Variants in LRP1B observed in about 807,000 individuals in gnomAD.
The protein encoded by LRP1B is LDL receptor related protein 1B.
A neutral mutation model predicts 556.6 loss-of-function variants in LRP1B; 217 were observed. The observed-to-expected ratio is 0.39, with a 90% CI of 0.35 to 0.44. The LOEUF (loss-of-function observed/expected upper bound fraction) is 0.44. Among genes scored for constraint, LRP1B ranks in the 20% least tolerant of loss-of-function variants. The pLI, the probability that LRP1B is intolerant of heterozygous loss-of-function variation, is 1.00. For missense variants in LRP1B, 5,053 were observed against 5,620.8 expected (o/e 0.90, Z 3.23); for synonymous variants, 2,047 against 1,865.8 (o/e 1.10, Z -2.50).
intron 86 of LRP1B, among the ~76,000 whole-genome samples, chr2:140,256,056 T>C (rs1681661743): frequency 6.6e-6 from 1 of 152,204 alleles, no homozygotes; most frequent in Admixed American, 6.5e-5. Context: ...GCTTGATGGA[T>C]ACTTTAATGT....
chr2:140,905,705 C>G (rs1180771871), intron 22 of LRP1B, among the ~76,000 whole-genome samples: 1 of 152,018 alleles, frequency 6.6e-6, no homozygotes, highest in African/African-American at 2.4e-5. Flanking sequence ...AGTGCCTTTT[C>G]CTTAGCACAC....
At chr2:140,823,229 A>T (rs561701768) in intron 31 of LRP1B, among the ~76,000 whole-genome samples, 6 of 152,302 alleles carry the variant, frequency 3.9e-5, no homozygotes, top group Admixed American at 2.0e-4. Context: ...TTCTGGAAAA[A>T]AAAATAAAAT....
intron 3 of LRP1B, among the ~76,000 whole-genome samples, chr2:141,309,061 A>G (rs952092696): frequency 2.0e-5 from 3 of 152,180 alleles, no homozygotes; most frequent in African/African-American, 7.2e-5. Context: ...AGCACATTGA[A>G]TTTTAGCACA....
intron 3 of LRP1B, among the ~76,000 whole-genome samples, chr2:141,453,481 A>T (rs1019274211): frequency 1.3e-5 from 2 of 152,140 alleles, no homozygotes; most frequent in African/African-American, 2.4e-5. Context: ...AACTCTAATA[A>T]TAGTTTGTGT....
At chr2:140,308,758 T>C (rs144488555) in intron 83 of LRP1B, among the ~76,000 whole-genome samples, 1 of 152,004 alleles carries the variant, frequency 6.6e-6, no homozygotes, top group East Asian at 1.9e-4. Flanking sequence ...ACACTTAAAC[T>C]GCAGAGCATA....
At chr2:140,961,099 A>G (rs1696020497) in intron 18 of LRP1B, among the ~76,000 whole-genome samples, 1 of 151,960 alleles carries the variant, frequency 6.6e-6, no homozygotes, top group Non-Finnish European at 1.5e-5. Flanking sequence ...GATAGATTTT[A>G]TGTTTGCCAA....
At chr2:141,145,058 A>G (rs1398495499) in intron 7 of LRP1B, among the ~76,000 whole-genome samples, 1 of 152,186 alleles carries the variant, frequency 6.6e-6, no homozygotes, top group Admixed American at 6.5e-5. Flanking sequence ...TCTAACTTAT[A>G]CAAGTGATTT....
chr2:140,954,369 G>A (rs987868959), intron 18 of LRP1B, among the ~76,000 whole-genome samples: 1 of 152,066 alleles, frequency 6.6e-6, no homozygotes, highest in African/African-American at 2.4e-5. Flanking sequence ...CAGATATGAT[G>A]AGATCTAATC....
intron 3 of LRP1B, among the ~76,000 whole-genome samples, chr2:141,328,292 C>A (rs1687503482): frequency 6.6e-6 from 1 of 152,198 alleles, no homozygotes; most frequent in East Asian, 1.9e-4. Context: ...CTATACCTCA[C>A]TTTTATCATC....
At chr2:140,614,269 C>A (rs1199561729) in intron 41 of LRP1B, among the ~76,000 whole-genome samples, 1 of 151,974 alleles carries the variant, frequency 6.6e-6, no homozygotes, top group Non-Finnish European at 1.5e-5. Flanking sequence ...AATTTTTATT[C>A]CTAATTCTAT....
chr2:141,639,349 T>TACAC (rs1553440025), intron 2 of LRP1B, among the ~76,000 whole-genome samples: 1,090 of 55,916 alleles, frequency 0.019, 79 homozygotes, highest in African/African-American at 0.061. Flanking sequence ...TATATATATA[T>TACAC]ACACACACAC....
chr2:141,462,126 T>C (rs1681899212), intron 3 of LRP1B, among the ~76,000 whole-genome samples: 1 of 152,226 alleles, frequency 6.6e-6, no homozygotes, highest in African/African-American at 2.4e-5. Context: ...CTCTCAGACA[T>C]ACAATGTGTT....
chr2:140,591,306 G>C (rs958854114), intron 43 of LRP1B, among the ~76,000 whole-genome samples: 1 of 152,152 alleles, frequency 6.6e-6, no homozygotes, highest in Admixed American at 6.5e-5. Flanking sequence ...GATATATACA[G>C]TTCTATCTAT....
At chr2:141,656,584 T>G (rs1333077906) in intron 2 of LRP1B, among the ~76,000 whole-genome samples, 1 of 152,176 alleles carries the variant, frequency 6.6e-6, no homozygotes, top group Admixed American at 6.5e-5. Context: ...AGTTTTATTC[T>G]CTCAGTAATT....
chr2:141,541,500 G>A (rs770748054), intron 2 of LRP1B, among the ~76,000 whole-genome samples: 22 of 152,036 alleles, frequency 1.4e-4, no homozygotes, highest in South Asian at 6.2e-4. Context: ...AGTGTTTGTC[G>A]TTTGGTGAAA....
intron 35 of LRP1B, among the ~76,000 whole-genome samples, chr2:140,728,573 T>C (rs1687671990): frequency 6.6e-6 from 1 of 152,178 alleles, no homozygotes; most frequent in East Asian, 1.9e-4. Context: ...AGCAGAAATC[T>C]TGTTCCTCAA....
chr2:141,634,477 C>A (rs575080505), intron 2 of LRP1B, among the ~76,000 whole-genome samples: 1 of 152,038 alleles, frequency 6.6e-6, no homozygotes, highest in South Asian at 2.1e-4. Context: ...AGATGAGTGA[C>A]ATTTCTTTTA....
intron 2 of LRP1B, among the ~76,000 whole-genome samples, chr2:141,677,437 G>T (rs572776704): frequency 2.0e-5 from 3 of 152,010 alleles, no homozygotes; most frequent in Non-Finnish European, 4.4e-5. Flanking sequence ...TTATTACAGG[G>T]GAGTTATGCC....
In LRP1B at chr2:140,510,065, CA is replaced by C. The variant is rs1558932098; in HGVS notation, c.8270-10del. The C allele has an allele frequency of 6.2e-7, 1 of 1,611,906 alleles. No homozygotes were observed. The highest frequency in any genetic ancestry group is 2.2e-5 in the East Asian group (1 of 44,856). ...AGCACAGGTTATGGCACCTGAAACA[CA>C]AAAACATAATGCCATTAAGATTACT... is the stretch of plus-strand genomic sequence containing the variant. On this transcript the variant is annotated splice_polypyrimidine_tract_variant and intron_variant, in intron 51 of 90. Coordinates refer to ENST00000389484, the MANE Select transcript of LRP1B (RefSeq NM_018557.3).
Sources: gnomAD v4.1 joint callset for allele counts (sites outside exome capture counted in the v4.1 genomes callset) on GRCh38, gnomAD v4.1.1 for gene constraint, MANE v1.5 for transcripts, NCBI Gene and HGNC (gene_info 2026-07-23, HGNC 2026-07-21) for gene names.